ZNF462: variants seen among roughly 807,000 people sequenced by gnomAD.
ZNF462 encodes zinc finger protein 462, also known as zinc finger PBX1-interacting protein.
ZNF462 carries 10 observed loss-of-function variants against 201.9 expected under a neutral mutation model. The ratio of observed to expected loss-of-function variants is 0.05; its 90% CI spans 0.03 to 0.08. The LOEUF is 0.08. Ranked by LOEUF, ZNF462 falls within the 10% of genes least tolerant of loss-of-function variation. The probability of loss-of-function intolerance (pLI) is 1.00; values close to 1 mark genes in which losing one functional copy is unlikely to be tolerated. For synonymous variants in ZNF462, 1,227 were observed against 1,193.3 expected, an observed-to-expected ratio of 1.03 and a Z score of -0.58; for missense variants, 2,523 against 3,168.3, an observed-to-expected ratio of 0.80 and a Z score of 4.89.
intron 1 of ZNF462, among the ~76,000 whole-genome samples, chr9:106,884,954 G>A (rs1235925108): frequency 6.6e-6 from 1 of 152,174 alleles, no homozygotes; most frequent in Non-Finnish European, 1.5e-5. Context: ...ATGCTTATTA[G>A]TGAATGACTG....
chr9:106,929,099 C>T lies in ZNF462; in HGVS notation c.5187C>T (p.Cys1729=). The part of the protein sequence containing the change: ...RHDIDAYYTH[C]LAASRTISDK... ...ACATTGATGCGTATTACACTCACTG[C>T]TTGGCAGCCTCCAGGACCATCAGCG... Residue 1729 remains cysteine, a synonymous_variant, in exon 3 of 13, where the codon TGC becomes TGT. Transcript: ENST00000277225. This position sits in a 1 kb window ranked among gnomAD's most constrained non-coding sequence, Gnocchi z 8.7. 6.2e-7 allele frequency: 1 copy of T among 1,614,176 alleles called. No homozygotes were observed. The highest frequency in any genetic ancestry group is 8.5e-7 in the Non-Finnish European group (1 of 1,180,040).
chr9:106,874,754 G>T (rs1827753994), intron 1 of ZNF462, among the ~76,000 whole-genome samples: 1 of 152,104 alleles, frequency 6.6e-6, no homozygotes, highest in African/African-American at 2.4e-5. Context: ...TAGCAATTTT[G>T]CAGGCCTGAG....
At position 106,883,897 on chromosome 9, in the gene ZNF462, A is replaced by G. The variant is rs183726643; in HGVS notation, c.-31+20542A>G. On this transcript the variant is annotated intron_variant, in intron 1 of 12. Coordinates refer to ENST00000277225, the MANE Select transcript of ZNF462 (RefSeq NM_021224.6). The surrounding 1 kb of genome is among the most constrained non-coding windows in gnomAD (Gnocchi z 4.9). ...CAGCTTCAGAATGTGAAGAATCTGT[A>G]GGTCTAGTCTGCTAATTGCTGGATA... Among the ~76,000 whole-genome samples the G allele has an allele frequency of 2.3e-4, 35 of 152,318 alleles. No homozygotes were observed. The highest frequency in any genetic ancestry group is 7.5e-4 in the African/African-American group (31 of 41,574).
intron 1 of ZNF462, among the ~76,000 whole-genome samples, chr9:106,888,072 C>A (rs1192534523): frequency 1.3e-5 from 2 of 149,636 alleles, no homozygotes; most frequent in Admixed American, 6.7e-5. Flanking sequence ...GACGGAGTCT[C>A]CCTCTGTCGC....
intron 7 of ZNF462, among the ~76,000 whole-genome samples, chr9:106,959,912 G>T (rs1236666427): frequency 6.6e-6 from 1 of 152,018 alleles, no homozygotes; most frequent in East Asian, 1.9e-4. Flanking sequence ...GGAGTGGGTG[G>T]AGGAGCTATC....
At position 106,870,532 on chromosome 9, in the gene ZNF462, T is replaced by C. The variant is rs1167240438; in HGVS notation, c.-31+7177T>C. Among the ~76,000 whole-genome samples the C allele has an allele frequency of 6.6e-6, 1 of 152,212 alleles. No individual in the cohort carries two copies. The highest frequency in any genetic ancestry group is 2.4e-5 in the African/African-American group (1 of 41,452). On this transcript the variant is annotated intron_variant, in intron 1 of 12. Coordinates refer to ENST00000277225, the MANE Select transcript of ZNF462 (RefSeq NM_021224.6). The surrounding 1 kb of genome is among the most constrained non-coding windows in gnomAD (Gnocchi z 4.3). ...AAAATAAATACTTGAAGATGAGAAC[T>C]GTGTAATTCAGGAAGTTATTTGCTA...
chr9:107,000,651 T>G (rs1829116408), intron 10 of ZNF462, among the ~76,000 whole-genome samples: 1 of 152,188 alleles, frequency 6.6e-6, no homozygotes, highest in Non-Finnish European at 1.5e-5. Flanking sequence ...TTAGAAATCT[T>G]CAGGACCAAA....
rs1319458864 is a variant in ZNF462 at position 106,974,088 on chromosome 9, A to G, written c.6696-49A>G. The G allele has an allele frequency of 3.7e-6, 6 of 1,609,858 alleles. No homozygotes were observed. Among genetic ancestry groups the G allele is most frequent in the Non-Finnish European group, 5.1e-6 (6 of 1,177,142 alleles). On this transcript the variant is annotated intron_variant, in intron 8 of 12. Coordinates refer to ENST00000277225, the MANE Select transcript of ZNF462 (RefSeq NM_021224.6). The surrounding 1 kb of genome is among the most constrained non-coding windows in gnomAD (Gnocchi z 4.0). ...TTGCCAGCAGGAAATGTGAAAATGCAATGATCCCTGGTTACACGCATCACC... is the reference window on the plus strand; with the variant it reads ...TTGCCAGCAGGAAATGTGAAAATGCGATGATCCCTGGTTACACGCATCACC...
intron 1 of ZNF462, among the ~76,000 whole-genome samples, chr9:106,888,191 G>T (rs1212924593): frequency 6.6e-6 from 1 of 152,060 alleles, no homozygotes; most frequent in East Asian, 1.9e-4. Flanking sequence ...ACAGGCGCCC[G>T]CCACCGCGCC....
At position 106,895,307 on chromosome 9, in the gene ZNF462, C is replaced by T. The variant is rs1828762504; in HGVS notation, c.-30-28047C>T. On this transcript the variant is annotated intron_variant, in intron 1 of 12. Transcript: ENST00000277225. This position sits in a 1 kb window ranked among gnomAD's most constrained non-coding sequence, Gnocchi z 4.4. Reference sequence around the variant, plus strand: ...AGAAAGTGGTGACCTGGTTATTAGACAGAGTGCACCAAGCATTAGCTTCTG... The same window carrying T: ...AGAAAGTGGTGACCTGGTTATTAGATAGAGTGCACCAAGCATTAGCTTCTG... Among the ~76,000 whole-genome samples, 1 of 152,168 alleles carries T rather than the reference C, an allele frequency of 6.6e-6. No individual in the cohort carries two copies.
chr9:106,940,710 GC>G (rs1830831111), intron 7 of ZNF462, among the ~76,000 whole-genome samples: 3 of 151,988 alleles, frequency 2.0e-5, no homozygotes, highest in Non-Finnish European at 4.4e-5. Context: ...AATCTCCTTA[GC>G]TACTGTGTAG....
rs969377914 is a variant in ZNF462, at chr9:106,983,920, C to G, written c.6833-266C>G. Among the ~76,000 whole-genome samples the G allele has an allele frequency of 2.6e-5, 4 of 152,160 alleles. No individual in the cohort carries two copies. The South Asian group carries it at 8.3e-4, about 32-fold the overall frequency. Reference sequence around the variant, plus strand: ...ACCTCCATTCAGGAATTAGCAAGCACCTACTAGCCCACCCCACCTCTATTT... The same window carrying G: ...ACCTCCATTCAGGAATTAGCAAGCAGCTACTAGCCCACCCCACCTCTATTT... On this transcript the variant is annotated intron_variant, in intron 9 of 12. Coordinates refer to ENST00000277225, the MANE Select transcript of ZNF462 (RefSeq NM_021224.6).
Position 106,890,607 on chromosome 9 carries a change from C to A in ZNF462, c.-31+27252C>A, listed in dbSNP as rs945194678. On this transcript the variant is annotated intron_variant, in intron 1 of 12. Transcript: ENST00000277225. The surrounding 1 kb of genome is among the most constrained non-coding windows in gnomAD (Gnocchi z 4.2). Reference sequence around the variant, plus strand: ...ACTCAACAATGATGATGCACTTAGGCTTACCTTCGTAATATGGGTAAATGT... The same window carrying A: ...ACTCAACAATGATGATGCACTTAGGATTACCTTCGTAATATGGGTAAATGT... Among the ~76,000 whole-genome samples, 1 of 152,190 alleles carries A rather than the reference C, an allele frequency of 6.6e-6. No individual in the cohort carries two copies. The highest frequency in any genetic ancestry group is 1.5e-5 in the Non-Finnish European group (1 of 68,030).
In ZNF462 at chr9:106,935,235, A is replaced by G. The variant is rs1481419450; in HGVS notation, c.6117-268A>G. Among the ~76,000 whole-genome samples, 3 of 152,200 alleles carry G rather than the reference A, an allele frequency of 2.0e-5. No individual in the cohort carries two copies. Among genetic ancestry groups the G allele is most frequent in the Non-Finnish European group, 2.9e-5 (2 of 68,034 alleles). ...ATGATCAGAGCTCTAAGAAGGGACA[A>G]TAAAGATTCTTACCATGACCTGTTA... is the stretch of plus-strand genomic sequence containing the variant. On this transcript the variant is annotated intron_variant, in intron 5 of 12. Coordinates refer to ENST00000277225, the MANE Select transcript of ZNF462 (RefSeq NM_021224.6). The surrounding 1 kb of genome is among the most constrained non-coding windows in gnomAD (Gnocchi z 4.1).
chr9:106,927,944 C>T lies in ZNF462; in HGVS notation c.4032C>T (p.Tyr1344=). The T allele has an allele frequency of 6.2e-7, 1 of 1,614,226 alleles. No homozygotes were observed. Among genetic ancestry groups the T allele is most frequent in the Non-Finnish European group, 8.5e-7 (1 of 1,180,052 alleles). Reference sequence around the variant, plus strand: ...CAGAACACTATGTTGATTACACCTACATGGCTACTAAACTGTGGGCTGGGC... The same window carrying T: ...CAGAACACTATGTTGATTACACCTATATGGCTACTAAACTGTGGGCTGGGC... The part of the protein sequence containing the change: ...RHPEHYVDYT[Y]MATKLWAGPD... Residue 1344 remains tyrosine, a synonymous_variant, in exon 3 of 13, where the codon TAC becomes TAT. Transcript: ENST00000277225.
rs1489523673 is a variant in ZNF462 at position 106,984,127 on chromosome 9, G to T, written c.6833-59G>T. 1 of 1,493,688 alleles carries T rather than the reference G, an allele frequency of 6.7e-7. No individual in the cohort carries two copies. The highest frequency in any genetic ancestry group is 1.9e-5 in the Admixed American group (1 of 53,922). The allele number at this position is 1,493,688 out of a possible 1,614,324, so 92.5% of individuals were successfully genotyped here. A position where few individuals can be genotyped will look rare whatever the true frequency, so the allele number is the denominator to read the frequency against. ...AGTTTCTTCTTGTATTCCAAAGAAA[G>T]AACTTCTGTTTTGCCATCAGTAAAA... is the stretch of plus-strand genomic sequence containing the variant. On this transcript the variant is annotated intron_variant, in intron 9 of 12. Transcript: ENST00000277225. This position sits in a 1 kb window ranked among gnomAD's most constrained non-coding sequence, Gnocchi z 6.4.
At chr9:107,002,913 A>G (rs1829304040) in intron 10 of ZNF462, among the ~76,000 whole-genome samples, 1 of 152,222 alleles carries the variant, frequency 6.6e-6, no homozygotes, top group Admixed American at 6.5e-5. Context: ...CTGCAGAAGT[A>G]TTTGAAACTT....
chr9:106,955,848 TATC>T (rs1831550182), intron 7 of ZNF462, among the ~76,000 whole-genome samples: 3 of 152,184 alleles, frequency 2.0e-5, no homozygotes, highest in Admixed American at 6.6e-5. Flanking sequence ...TTGCAAGTTT[TATC>T]ATGAGATTTT....
At chr9:106,936,646 T>C (rs1729928229) in intron 6 of ZNF462, among the ~76,000 whole-genome samples, 1 of 152,236 alleles carries the variant, frequency 6.6e-6, no homozygotes, top group Non-Finnish European at 1.5e-5. Flanking sequence ...GTCCTTGAAG[T>C]GAGTGGCTTC....
Sources: gnomAD v4.1 joint callset for allele counts (sites outside exome capture counted in the v4.1 genomes callset) on GRCh38, gnomAD v4.1.1 for gene constraint, Gnocchi (gnomAD v3.1) non-coding constraint, MANE v1.5 for transcripts, NCBI Gene and HGNC (gene_info 2026-07-23, HGNC 2026-07-21) for gene names.